The following ACYP2 variants were observed in gnomAD, a reference collection of about 807,000 sequenced individuals.
ACYP2 encodes acylphosphatase 2, also known as acylphosphatase-2.
Under a neutral mutation model 11.2 loss-of-function variants are expected in ACYP2, and 12 were observed. That is an observed-to-expected ratio of 1.08 (90% confidence interval 0.69 to 1.74). The LOEUF (loss-of-function observed/expected upper bound fraction) is 1.74. Among genes scored for constraint, ACYP2 ranks in the 40% most tolerant of loss-of-function variants. The pLI, the probability that ACYP2 is intolerant of heterozygous loss-of-function variation, is 0.00. For missense variants in ACYP2, 134 were observed against 101.9 expected (o/e 1.31, Z -1.35); for synonymous variants, 43 against 32.2 (o/e 1.33, Z -1.13).
At chr2:54,241,748 C>T (rs1315869935) in intron 6 of ACYP2, among the ~76,000 whole-genome samples, 6 of 152,194 alleles carry the variant, frequency 3.9e-5, no homozygotes, top group African/African-American at 1.4e-4. Flanking sequence ...CGCAGTGGCT[C>T]ACGCCTGTAA....
At chr2:53,978,274 A>AG (rs1161415189) in intron 2 of ACYP2, among the ~76,000 whole-genome samples, 6 of 152,046 alleles carry the variant, frequency 3.9e-5, no homozygotes, top group Admixed American at 6.6e-5. Context: ...AAAAAAAAAA[A>AG]AAAAGAACTT....
At chr2:54,302,980 C>T (rs145299109) in intron 6 of ACYP2, among the ~76,000 whole-genome samples, 1 of 152,110 alleles carries the variant, frequency 6.6e-6, no homozygotes, top group Admixed American at 6.6e-5. Context: ...TAACTGGGGG[C>T]AATAATAGCC....
At position 54,287,750 on chromosome 2, in the gene ACYP2, A is replaced by G. The variant is rs567972902; in HGVS notation, c.405-16938A>G. ...CCCAGCATCATCTGCCAGACTTGTA[A>G]GTGATTCCAGTTATTCCAGTCCTCA... On this transcript the variant is annotated intron_variant, in intron 6 of 6. Coordinates refer to ENST00000607452, the MANE Select transcript of ACYP2 (RefSeq NM_001320586.2). Among the ~76,000 whole-genome samples the G allele has an allele frequency of 2.0e-5, 3 of 152,114 alleles. No homozygotes were observed. In the South Asian group the frequency reaches 6.2e-4, roughly 32 times the overall value.
At chr2:54,104,700 G>T (rs1275643732) in intron 4 of ACYP2, among the ~76,000 whole-genome samples, 1 of 152,176 alleles carries the variant, frequency 6.6e-6, no homozygotes, top group East Asian at 1.9e-4. Flanking sequence ...CAATCCCTCA[G>T]ATCAGCAATC....
At chr2:54,264,658 A>G (rs843685) in intron 6 of ACYP2, among the ~76,000 whole-genome samples, 62,907 of 152,074 alleles carry the variant, frequency 0.41, 13,198 homozygotes, top group South Asian at 0.55. Flanking sequence ...GATGCATATT[A>G]TACAGAAACA....
intron 6 of ACYP2, among the ~76,000 whole-genome samples, chr2:54,171,721 GAGTA>G (rs1683229035): frequency 1.3e-5 from 2 of 152,130 alleles, no homozygotes; most frequent in South Asian, 2.1e-4. Context: ...TTTAATAATA[GAGTA>G]AGTAAATCTA....
intron 2 of ACYP2, among the ~76,000 whole-genome samples, chr2:53,997,252 C>T (rs1381534311): frequency 1.3e-5 from 2 of 152,200 alleles, no homozygotes; most frequent in East Asian, 1.9e-4. Flanking sequence ...GACCCTTCCT[C>T]AGAAGTATAT....
At chr2:54,018,368 A>T (rs1200695951) in intron 2 of ACYP2, among the ~76,000 whole-genome samples, 1 of 152,258 alleles carries the variant, frequency 6.6e-6, no homozygotes, top group Non-Finnish European at 1.5e-5. Context: ...GAAAGAAAAC[A>T]TCAAAAGGGA....
intron 4 of ACYP2, among the ~76,000 whole-genome samples, chr2:54,068,842 C>T (rs927355356): frequency 1.3e-5 from 2 of 152,006 alleles, no homozygotes; most frequent in African/African-American, 4.8e-5. Flanking sequence ...GCTGTTGGTA[C>T]AGCAATTTTA....
chr2:54,173,598 T>A (rs1172718006), intron 6 of ACYP2, among the ~76,000 whole-genome samples: 2 of 152,200 alleles, frequency 1.3e-5, no homozygotes, highest in Non-Finnish European at 2.9e-5. Flanking sequence ...GGTGTTTTAG[T>A]CATGAAGTCC....
intron 4 of ACYP2, among the ~76,000 whole-genome samples, chr2:54,061,405 A>G (rs899022296): frequency 1.3e-5 from 2 of 152,182 alleles, no homozygotes; most frequent in African/African-American, 4.8e-5. Context: ...CTGACCACAG[A>G]GGTGGACACG....
chr2:54,263,744 G>A (rs1211032689), intron 6 of ACYP2, among the ~76,000 whole-genome samples: 12 of 152,136 alleles, frequency 7.9e-5, no homozygotes, highest in African/African-American at 2.9e-4. Context: ...GTTTCAAGAT[G>A]ATAATTCAGC....
At chr2:53,993,761 G>A (rs6545379) in intron 2 of ACYP2, among the ~76,000 whole-genome samples, 116,023 of 152,070 alleles carry the variant, frequency 0.76, 45,388 homozygotes, top group African/African-American at 0.94. Flanking sequence ...CTATTTTCCC[G>A]GAGAAGTAGG....
intron 2 of ACYP2, among the ~76,000 whole-genome samples, chr2:54,042,837 A>T (rs760995123): frequency 6.6e-6 from 1 of 152,226 alleles, no homozygotes; most frequent in Non-Finnish European, 1.5e-5. Context: ...CAAGTTGGAG[A>T]TCAGAGAGAG....
intron 4 of ACYP2, 134 bp downstream of exon 1, chr2:54,115,890 G>A: frequency 2.5e-6 from 3 of 1,196,798 alleles, no homozygotes; most frequent in Non-Finnish European, 2.2e-6. Flanking sequence ...TGACACAGCA[G>A]CGGCGGCGGG....
chr2:54,254,888 C>A, intron 6 of ACYP2: 1 of 1,585,514 alleles, frequency 6.3e-7, no homozygotes, highest in Admixed American at 1.8e-5. Flanking sequence ...TGGCAGGCAA[C>A]CTTCTGCAGG....
intron 4 of ACYP2, among the ~76,000 whole-genome samples, chr2:54,062,205 G>T (rs1676508737): frequency 6.6e-6 from 1 of 152,182 alleles, no homozygotes; most frequent in African/African-American, 2.4e-5. Context: ...CTCACAGGAA[G>T]GCATGGGTTC....
intron 4 of ACYP2, among the ~76,000 whole-genome samples, chr2:54,131,387 C>G (rs529141076): frequency 6.6e-6 from 1 of 152,126 alleles, no homozygotes; most frequent in Non-Finnish European, 1.5e-5. Context: ...GCTCGAGATT[C>G]GTAAATGTTG....
intron 2 of ACYP2, among the ~76,000 whole-genome samples, chr2:53,998,828 T>G (rs1373419818): frequency 6.6e-6 from 1 of 151,956 alleles, no homozygotes; most frequent in East Asian, 1.9e-4. Flanking sequence ...AGAAAAAAAT[T>G]TCCCTTCTAA....
Sources: gnomAD v4.1 joint callset for allele counts (sites outside exome capture counted in the v4.1 genomes callset) on GRCh38, gnomAD v4.1.1 for gene constraint, MANE v1.5 for transcripts, NCBI Gene and HGNC (gene_info 2026-07-23, HGNC 2026-07-21) for gene names.